The following LLGL2 variants were observed in gnomAD, a reference collection of about 807,000 sequenced individuals.
The protein encoded by LLGL2 is LLGL scribble cell polarity complex component 2.
Under a neutral mutation model 123.2 loss-of-function variants are expected in LLGL2, and 81 were observed. That is an observed-to-expected ratio of 0.66 (90% CI 0.55 to 0.79). The LOEUF is 0.79. Among genes scored for constraint, LLGL2 ranks in the 30% least tolerant of loss-of-function variants. The probability of loss-of-function intolerance (pLI) is 0.00; values close to 1 mark genes in which losing one functional copy is unlikely to be tolerated. For missense variants in LLGL2, 1,273 were observed against 1,414.6 expected (o/e 0.90, Z 1.61); for synonymous variants, 577 against 594.1 (o/e 0.97, Z 0.42).
Position 75,574,676 on chromosome 17 carries a change from C to A in LLGL2, c.3055+8C>A. The A allele has an allele frequency of 6.2e-7, 1 of 1,609,738 alleles. No homozygotes were observed. Among genetic ancestry groups the A allele is most frequent in the Non-Finnish European group, 8.5e-7 (1 of 1,179,046 alleles). On this transcript the variant is annotated splice_region_variant and intron_variant, in intron 25 of 25. Transcript: ENST00000392550. The stretch of plus-strand genomic sequence containing the variant: ...GCCTCAGCAATGGCGGAGGTGGGGG[C>A]TCTGGGCTTGAGTGCAGCTGCCAAC...
At chr17:75,526,275 A>G (rs529792223) in intron 1 of LLGL2, among the ~76,000 whole-genome samples, 3 of 152,188 alleles carry the variant, frequency 2.0e-5, no homozygotes, top group Non-Finnish European at 4.4e-5. Context: ...TGCCCCTGCC[A>G]TCTGGGCTGT....
intron 1 of LLGL2, among the ~76,000 whole-genome samples, chr17:75,527,209 G>C (rs2053605645): frequency 6.6e-6 from 1 of 151,232 alleles, no homozygotes; most frequent in Non-Finnish European, 1.5e-5. Flanking sequence ...AAACTGTCTG[G>C]GTCTGTGTGA....
intron 6 of LLGL2, chr17:75,562,197 G>C (rs2055251315): frequency 6.6e-6 from 1 of 151,560 alleles, no homozygotes; most frequent in South Asian, 2.1e-4. Context: ...GACGGGGCAG[G>C]GGTCAAGGCT....
rs145181414 is a variant in LLGL2 at position 75,573,166 on chromosome 17, C to T, written c.2613C>T (p.Gly871=). The change falls in exon 20 of 26, where the codon GGC becomes GGT. Residue 871 remains glycine, a synonymous_variant. Coordinates refer to ENST00000392550, the MANE Select transcript of LLGL2 (RefSeq NM_001031803.2). The part of the protein sequence containing the change: ...EHHLAVLTNL[G]DIQVVSLPLL... Reference sequence around the variant, plus strand: ...ACCTGGCAGTCCTTACCAACCTGGGCGACATCCAGGTGGTCTCGCTGCCCC... The same window carrying T: ...ACCTGGCAGTCCTTACCAACCTGGGTGACATCCAGGTGGTCTCGCTGCCCC... 3.2e-5 allele frequency: 51 copies of T among 1,613,062 alleles called. 2 individuals carry two copies. The South Asian group carries it at 3.3e-4, about 10-fold the overall frequency.
At position 75,558,370 on chromosome 17, in the gene LLGL2, C is replaced by T; in HGVS notation, c.255+134C>T. On this transcript the variant is annotated intron_variant, in intron 4 of 25. Transcript: ENST00000392550. This position sits in a 1 kb window ranked among gnomAD's most constrained non-coding sequence, Gnocchi z 4.0. ...TGCTGATGGAAAGACCTGGGACCCC[C>T]TCCCTTTCCACAGCTGGGGCTCATG... The T allele has an allele frequency of 8.7e-7, 1 of 1,154,400 alleles. No homozygotes were observed. The highest frequency in any genetic ancestry group is 1.5e-5 in the African/African-American group (1 of 65,162). 71.5% of individuals were successfully genotyped at this position (1,154,400 alleles called of 1,614,324 possible). A position where few individuals can be genotyped will look rare whatever the true frequency, so the allele number is the denominator to read the frequency against.
Position 75,544,211 on chromosome 17 carries a change from C to G in LLGL2, c.75+710C>G, listed in dbSNP as rs1320446958. ...TCCCGGGCCACCAAGCAGTGTGGGG[C>G]CTTGTGAGGTAATGATCTTCTCACC... On this transcript the variant is annotated intron_variant, in intron 2 of 25. Transcript: ENST00000392550. The surrounding 1 kb of genome is among the most constrained non-coding windows in gnomAD (Gnocchi z 4.2). 3.9e-5 allele frequency among the ~76,000 whole-genome samples: 6 copies of G among 152,188 alleles called. No individual in the cohort carries two copies. The highest frequency in any genetic ancestry group is 1.4e-4 in the African/African-American group (6 of 41,436).
chr17:75,543,730 T>C (rs1236671997), intron 2 of LLGL2, among the ~76,000 whole-genome samples: 7 of 152,164 alleles, frequency 4.6e-5, no homozygotes, highest in African/African-American at 1.4e-4. Flanking sequence ...TTTCACTGGC[T>C]GTGTGACCTC....
chr17:75,535,591 G>A (rs2053970839), intron 1 of LLGL2, among the ~76,000 whole-genome samples: 1 of 152,266 alleles, frequency 6.6e-6, no homozygotes, highest in African/African-American at 2.4e-5. Context: ...ATTAGCCCAG[G>A]TGCCCCAAAC....
At position 75,563,783 on chromosome 17, in the gene LLGL2, C is replaced by T. The variant is rs748151823; in HGVS notation, c.858C>T (p.Ile286=). The T allele has an allele frequency of 1.9e-6, 3 of 1,614,056 alleles. No individual in the cohort carries two copies. In the Admixed American group the frequency reaches 5.0e-5, roughly 27 times the overall value. ...GPFPCKAITR[I]LWLTTRQGLP... ...TTCCTTGCAAAGCGATTACCAGAAT[C>T]CTCTGGCTGACCACTAGGCAGGGGT... The change falls in exon 9 of 26, where the codon ATC becomes ATT. Residue 286 remains isoleucine (I), a synonymous_variant. Transcript: ENST00000392550.
At chr17:75,561,145 T>G (rs1294372385) in intron 6 of LLGL2, among the ~76,000 whole-genome samples, 1 of 152,184 alleles carries the variant, frequency 6.6e-6, no homozygotes, top group African/African-American at 2.4e-5. Flanking sequence ...TTTGGCAGTT[T>G]AAATTCTCGT....
At chr17:75,554,128 C>T (rs997162140) in intron 2 of LLGL2, among the ~76,000 whole-genome samples, 4 of 152,014 alleles carry the variant, frequency 2.6e-5, no homozygotes, top group African/African-American at 9.7e-5. Flanking sequence ...ATGGTGAAAG[C>T]CCATCTCTAC....
At chr17:75,542,658 C>G (rs1598535732) in intron 1 of LLGL2, 1 of 152,216 alleles carries the variant, frequency 6.6e-6, no homozygotes, top group Admixed American at 6.5e-5. Flanking sequence ...CACTAGGGCC[C>G]GTGGGAAAGA....
At chr17:75,572,211 G>C in intron 19 of LLGL2, 147 bp downstream of exon 19, 2 of 828,994 alleles carry the variant, frequency 2.4e-6, no homozygotes, top group Non-Finnish European at 3.8e-6. Flanking sequence ...AAGTGAGGGG[G>C]GAGTCTCGTG....
intron 6 of LLGL2, 137 bp from the exon 7 acceptor site, chr17:75,562,879 G>C: frequency 8.9e-7 from 1 of 1,122,534 alleles, no homozygotes; most frequent in Non-Finnish European, 1.3e-6. Flanking sequence ...CATCCACTGC[G>C]CCCAGCCCCT....
chr17:75,574,781 A>G (rs192447204), intron 25 of LLGL2, 90 bp from the exon 26 acceptor site: 475 of 1,595,888 alleles, frequency 3.0e-4, no homozygotes, highest in Admixed American at 3.5e-4. Context: ...CCTGATGACC[A>G]GGAAAGCACC....
chr17:75,527,458 T>C (rs2053613073), intron 1 of LLGL2, among the ~76,000 whole-genome samples: 1 of 152,188 alleles, frequency 6.6e-6, no homozygotes, highest in South Asian at 2.1e-4. Context: ...GGCATCCCCA[T>C]TCTTCCTTGA....
rs549482178 is a variant in LLGL2, at chr17:75,530,145, C to A, written c.-31+4320C>A. On this transcript the variant is annotated intron_variant, in intron 1 of 25. Transcript: ENST00000392550. ...TGGGCACTTGGGCCTTTTGGAAGTG[C>A]CTGATGGGTTTAGGGAATTTGTCTT... 1.6e-3 allele frequency among the ~76,000 whole-genome samples: 243 copies of A among 152,246 alleles called. 2 individuals are homozygous for A. The South Asian group carries it at 0.023, about 15-fold the overall frequency.
At position 75,573,109 on chromosome 17, in the gene LLGL2, C is replaced by T; in HGVS notation, c.2556C>T (p.Gly852=). 1 of 1,612,906 alleles carries T rather than the reference C, an allele frequency of 6.2e-7. No homozygotes were observed. The highest frequency in any genetic ancestry group is 8.5e-7 in the Non-Finnish European group (1 of 1,179,960). ...GGCGGGTCAGCGTGGCCCACTTCGG[C>T]AGTCGTCGAGCCGAGGACTACGGGG... The part of the protein sequence containing the change: ...RVRRVSVAHF[G]SRRAEDYGEH... The change falls in exon 20 of 26, where the codon GGC becomes GGT. Residue 852 remains glycine (G), a synonymous_variant. Transcript: ENST00000392550.
rs773943255 is a variant in LLGL2 at position 75,558,513 on chromosome 17, G to A, written c.257G>A (p.Cys86Tyr). ...GATCCCGTCGTGTGCCCTCGCCAGT[G>A]CCAGCTGGTCACCCTGCTGGATGAC... ...VTQIHLLPGQ[C>Y]QLVTLLDDNS... The change falls in exon 5 of 26, where the codon TGC (cysteine) becomes TAC (tyrosine). Residue 86 changes from cysteine to tyrosine, a missense_variant and splice_region_variant. By Grantham distance (194) the Cys-to-Tyr change is radical. Transcript: ENST00000392550. This position sits in a 1 kb window ranked among gnomAD's most constrained non-coding sequence, Gnocchi z 4.0. The A allele has an allele frequency of 2.0e-5, 31 of 1,587,554 alleles. No homozygotes were observed. The East Asian group carries it at 7.2e-4, about 37-fold the overall frequency.
Sources: allele counts gnomAD v4.1 joint callset (sites outside exome capture counted in the v4.1 genomes callset), GRCh38; gene constraint gnomAD v4.1.1; non-coding constraint Gnocchi (gnomAD v3.1); transcripts MANE v1.5; gene names NCBI Gene and HGNC (gene_info 2026-07-23, HGNC 2026-07-21).